KLHDC1: variants seen among roughly 807,000 people sequenced by gnomAD.
KLHDC1 encodes kelch domain containing 1.
In KLHDC1, 53 loss-of-function variants were observed where a neutral mutation model predicts 68.3. That is an observed-to-expected ratio of 0.78 (90% CI 0.62 to 0.98). The LOEUF is 0.98. Ranked by LOEUF, KLHDC1 falls within the 50% of genes least tolerant of loss-of-function variation. The pLI, the probability that KLHDC1 is intolerant of heterozygous loss-of-function variation, is 0.00. For synonymous variants in KLHDC1, 148 were observed against 159.0 expected (o/e 0.93, Z 0.52); for missense variants, 470 against 492.3 (o/e 0.95, Z 0.43).
In KLHDC1 at chr14:49,745,177, A is replaced by T. The variant is rs114971865; in HGVS notation, c.1034+1372A>T. Among the ~76,000 whole-genome samples, 790 of 152,342 alleles carry T rather than the reference A, an allele frequency of 5.2e-3. 7 individuals carry two copies. The highest frequency in any genetic ancestry group is 0.018 in the African/African-American group (754 of 41,576). ...TTTCAAGGAGTATACTGTGACATTT[A>T]GATGTTCTATAACATGAACCACCTG... On this transcript the variant is annotated intron_variant, in intron 12 of 12. Coordinates refer to ENST00000359332, the MANE Select transcript of KLHDC1 (RefSeq NM_172193.3).
intron 12 of KLHDC1, among the ~76,000 whole-genome samples, chr14:49,745,071 G>A (rs1294642225): frequency 1.3e-5 from 2 of 152,174 alleles, no homozygotes; most frequent in Non-Finnish European, 2.9e-5. Context: ...CAGTGAACAA[G>A]TGTGGGAATT....
chr14:49,720,617 A>G (rs779602034), intron 4 of KLHDC1, among the ~76,000 whole-genome samples: 1 of 151,850 alleles, frequency 6.6e-6, no homozygotes. Context: ...GATAGCTTCC[A>G]TCAGTTTCTC....
intron 12 of KLHDC1, among the ~76,000 whole-genome samples, chr14:49,747,292 C>T (rs1455880819): frequency 6.6e-6 from 1 of 152,210 alleles, no homozygotes; most frequent in Non-Finnish European, 1.5e-5. Context: ...ACTTCTTTCT[C>T]TTGCCAGCAA....
intron 1 of KLHDC1, among the ~76,000 whole-genome samples, chr14:49,702,300 A>G (rs1026190855): frequency 1.3e-5 from 2 of 152,176 alleles, no homozygotes; most frequent in Non-Finnish European, 2.9e-5. Flanking sequence ...TTTCTTCTCC[A>G]ATTTGCAAAG....
At chr14:49,717,789 G>C (rs1888417447) in intron 4 of KLHDC1, among the ~76,000 whole-genome samples, 1 of 151,820 alleles carries the variant, frequency 6.6e-6, no homozygotes, top group Non-Finnish European at 1.5e-5. Context: ...AGCCATTCTT[G>C]GGCTTTTCTT....
intron 4 of KLHDC1, among the ~76,000 whole-genome samples, chr14:49,713,831 TATATATATATATATATATA>T (rs1276034287): frequency 0.011 from 151 of 13,474 alleles, 1 homozygote; most frequent in South Asian, 0.018. Context: ...TATATATATA[TATATATATATATATATATA>T]TTTTTTTTTT....
chr14:49,727,567 A>G lies in KLHDC1; in HGVS notation c.568-1359A>G, dbSNP rs535040090. 2.0e-5 allele frequency among the ~76,000 whole-genome samples: 3 copies of G among 152,336 alleles called. No homozygotes were observed. The East Asian group carries it at 5.8e-4, about 29-fold the overall frequency. On this transcript the variant is annotated intron_variant, in intron 6 of 12. Transcript: ENST00000359332. ...AAATCGTAAGTATTAGAGTTTGGCC[A>G]TTCTCTGGATTCTCTTTTTCCAGGC...
At chr14:49,712,327 A>G (rs904694948) in intron 4 of KLHDC1, among the ~76,000 whole-genome samples, 1 of 152,192 alleles carries the variant, frequency 6.6e-6, no homozygotes, top group African/African-American at 2.4e-5. Flanking sequence ...TCATTTGGCT[A>G]TAGAATCCCA....
intron 9 of KLHDC1, among the ~76,000 whole-genome samples, chr14:49,733,643 G>A (rs568676767): frequency 2.6e-3 from 389 of 151,936 alleles, no homozygotes; most frequent in African/African-American, 8.9e-3. Flanking sequence ...GGCTGGTCTC[G>A]AATTCCTGAC....
intron 12 of KLHDC1, among the ~76,000 whole-genome samples, chr14:49,748,627 A>G (rs549868655): frequency 6.6e-6 from 1 of 152,116 alleles, no homozygotes; most frequent in South Asian, 2.1e-4. Context: ...AAATAGCTAT[A>G]TTGTTCTGAT....
intron 8 of KLHDC1, among the ~76,000 whole-genome samples, chr14:49,729,903 A>G (rs1427818133): frequency 2.6e-5 from 4 of 152,234 alleles, no homozygotes; most frequent in Admixed American, 2.0e-4. Flanking sequence ...GTATTTAACA[A>G]TAGAACAAAT....
chr14:49,742,012 T>C (rs555854400), intron 11 of KLHDC1, among the ~76,000 whole-genome samples: 1 of 152,300 alleles, frequency 6.6e-6, no homozygotes, highest in African/African-American at 2.4e-5. Flanking sequence ...CTCCATGGAA[T>C]TTGCTTTATT....
Position 49,752,955 on chromosome 14 carries a change from T to C in KLHDC1, c.*1183T>C, listed in dbSNP as rs1889348607. 2.0e-5 allele frequency: 3 copies of C among 152,002 alleles called. No individual in the cohort carries two copies. The highest frequency in any genetic ancestry group is 4.1e-4 in the South Asian group (2 of 4,832). The allele number at this position is 152,002 out of a possible 1,614,324, so 9.4% of individuals were successfully genotyped here. A position where few individuals can be genotyped will look rare whatever the true frequency, so the allele number is the denominator to read the frequency against. ...ATATTGAAATATATATAATTTATAA[T>C]GAAAATTATAGTAGTTTGTAGTATT... On this transcript the variant is annotated 3_prime_UTR_variant, in exon 13 of 13. Transcript: ENST00000359332.
At position 49,709,807 on chromosome 14, in the gene KLHDC1, A is replaced by T; in HGVS notation, c.266A>T (p.Asp89Val). The part of the protein sequence containing the change: ...GKLYIFGGYD[D>V]KGYSNRLYFV... Reference sequence around the variant, plus strand: ...CTGTACATTTTTGGAGGATATGATGACAAAGGATACAGCAATCGAGTAATA... The same window carrying T: ...CTGTACATTTTTGGAGGATATGATGTCAAAGGATACAGCAATCGAGTAATA... Residue 89 changes from aspartate to valine, a missense_variant, in exon 3 of 13, where the codon GAC (aspartate) becomes GTC (valine). By Grantham distance (152) the Asp-to-Val change is radical (BLOSUM62 -3). Coordinates refer to ENST00000359332, the MANE Select transcript of KLHDC1 (RefSeq NM_172193.3). The T allele has an allele frequency of 1.3e-6, 2 of 1,579,018 alleles. No individual in the cohort carries two copies. The highest frequency in any genetic ancestry group is 1.7e-6 in the Non-Finnish European group (2 of 1,156,206).
chr14:49,699,161 CAAAAAAA>C lies in KLHDC1; in HGVS notation c.96+5886_96+5892del, dbSNP rs34856234. Among the ~76,000 whole-genome samples, 698 of 107,780 alleles carry C rather than the reference CAAAAAAA, an allele frequency of 6.5e-3. 4 individuals carry two copies. Among genetic ancestry groups the C allele is most frequent in the African/African-American group, 0.021 (604 of 28,276 alleles). The allele number at this position is 107,780 out of a possible 152,430, so 70.7% of individuals were successfully genotyped here. A position where few individuals can be genotyped will look rare whatever the true frequency, so the allele number is the denominator to read the frequency against. ...TCTGGGTGATAGAGCAAGACTGTCT[CAAAAAAA>C]AAAAAAAAAAAAAATCACAGTTCTT... On this transcript the variant is annotated intron_variant, in intron 1 of 12. Coordinates refer to ENST00000359332, the MANE Select transcript of KLHDC1 (RefSeq NM_172193.3).
intron 9 of KLHDC1, among the ~76,000 whole-genome samples, chr14:49,733,623 A>G (rs929888127): frequency 6.6e-6 from 1 of 151,798 alleles, no homozygotes; most frequent in African/African-American, 2.4e-5. Flanking sequence ...GGGTTTCACC[A>G]TGTTGGCCAG....
intron 1 of KLHDC1, among the ~76,000 whole-genome samples, chr14:49,698,000 C>G (rs905364615): frequency 7.2e-5 from 11 of 152,104 alleles, no homozygotes; most frequent in African/African-American, 2.7e-4. Flanking sequence ...TTATGAGTGT[C>G]TGATATTTCC....
chr14:49,743,783 A>G lies in KLHDC1; in HGVS notation c.1012A>G (p.Thr338Ala), dbSNP rs758651900. Residue 338 changes from threonine (T) to alanine (A), a missense_variant, in exon 12 of 13, where the codon ACA becomes GCA. Coordinates refer to ENST00000359332, the MANE Select transcript of KLHDC1 (RefSeq NM_172193.3). ...CTGTAATGATTTATTGATCTTTCAA[A>G]CACAGCCTTATTCACTACTCAGGTA... is the stretch of plus-strand genomic sequence containing the variant. ...GHCNDLLIFQ[T>A]QPYSLLRSCL... 1 of 1,592,344 alleles carries G rather than the reference A, an allele frequency of 6.3e-7. No individual in the cohort carries two copies. Among genetic ancestry groups the G allele is most frequent in the Non-Finnish European group, 8.6e-7 (1 of 1,162,832 alleles).
chr14:49,716,716 C>G (rs1888387902), intron 4 of KLHDC1, among the ~76,000 whole-genome samples: 2 of 152,104 alleles, frequency 1.3e-5, no homozygotes, highest in African/African-American at 4.8e-5. Context: ...GTGGTAAATA[C>G]ATAAAACATA....
Sources: allele counts gnomAD v4.1 joint callset (sites outside exome capture counted in the v4.1 genomes callset), GRCh38; gene constraint gnomAD v4.1.1; transcripts MANE v1.5; gene names NCBI Gene and HGNC (gene_info 2026-07-23, HGNC 2026-07-21).